FAM118A: variants seen among roughly 807,000 people sequenced by gnomAD.
FAM118A encodes protein FAM118A.
Under a neutral mutation model 38.2 loss-of-function variants are expected in FAM118A, and 25 were observed. The observed-to-expected ratio is 0.65, with a 90% CI of 0.48 to 0.91. The LOEUF (loss-of-function observed/expected upper bound fraction) is 0.91. Ranked by LOEUF, FAM118A falls within the 40% of genes least tolerant of loss-of-function variation. The pLI is 0.00. For synonymous variants in FAM118A, 178 were observed against 184.1 expected (o/e 0.97, Z 0.27); for missense variants, 425 against 463.3 (o/e 0.92, Z 0.76).
At chr22:45,339,697 G>A (rs983123000) in intron 8 of FAM118A, among the ~76,000 whole-genome samples, 2 of 152,110 alleles carry the variant, frequency 1.3e-5, no homozygotes, top group Admixed American at 6.6e-5. Flanking sequence ...TGACAAGAAC[G>A]AAGGCCCGGG....
intron 1 of FAM118A, among the ~76,000 whole-genome samples, chr22:45,319,611 T>G (rs966222064): frequency 1.9e-4 from 29 of 152,240 alleles, no homozygotes; most frequent in African/African-American, 7.0e-4. Context: ...TTAATAAAAC[T>G]GAGGATTGGT....
intron 4 of FAM118A, among the ~76,000 whole-genome samples, chr22:45,330,194 G>A (rs2085604487): frequency 6.6e-6 from 1 of 152,178 alleles, no homozygotes; most frequent in African/African-American, 2.4e-5. Flanking sequence ...GTAACTGTCT[G>A]TCTTTAAATA....
intron 1 of FAM118A, among the ~76,000 whole-genome samples, chr22:45,310,676 T>A (rs2084324828): frequency 6.6e-6 from 1 of 152,000 alleles, no homozygotes; most frequent in African/African-American, 2.4e-5. Flanking sequence ...CCAGGTCTGG[T>A]GATAACTTAA....
intron 1 of FAM118A, 195 bp from the exon 2 acceptor site, chr22:45,322,176 T>C: frequency 6.6e-7 from 1 of 1,509,176 alleles, no homozygotes; most frequent in Non-Finnish European, 8.9e-7. Context: ...CTGATGAGTC[T>C]CATGAGATGA....
intron 7 of FAM118A, among the ~76,000 whole-genome samples, chr22:45,335,719 A>G (rs2086037116): frequency 6.6e-6 from 1 of 152,198 alleles, no homozygotes; most frequent in Admixed American, 6.5e-5. Context: ...GTGCCTTAGA[A>G]TGACCCAGCT....
At position 45,317,182 on chromosome 22, in the gene FAM118A, G is replaced by T. The variant is rs141281325; in HGVS notation, c.-9-5189G>T. On this transcript the variant is annotated intron_variant, in intron 1 of 8. Coordinates refer to ENST00000441876, the MANE Select transcript of FAM118A (RefSeq NM_017911.4). ...GCTTGAGGTCAGGAGTTCGAGACCA[G>T]CCTCTGACCAACATGGTGAAACCTG... is the stretch of plus-strand genomic sequence containing the variant. Among the ~76,000 whole-genome samples, 14 of 152,300 alleles carry T rather than the reference G, an allele frequency of 9.2e-5. No individual in the cohort carries two copies. The East Asian group carries it at 2.7e-3, about 29-fold the overall frequency.
chr22:45,330,375 CCT>C (rs965563622), intron 4 of FAM118A: 18 of 295,834 alleles, frequency 6.1e-5, no homozygotes, highest in Admixed American at 4.7e-4. Context: ...AACAGCCGAT[CCT>C]CTCTCAGGTT....
intron 5 of FAM118A, among the ~76,000 whole-genome samples, 181 bp downstream of exon 5, chr22:45,330,912 C>T (rs117429463): frequency 0.016 from 2,477 of 152,232 alleles, 34 homozygotes; most frequent in Middle Eastern, 0.027. Context: ...TCTGGGGTCC[C>T]GCATGGTGCC....
chr22:45,340,239 G>C (rs895187301), intron 8 of FAM118A, 147 bp from the exon 9 acceptor site: 16 of 798,294 alleles, frequency 2.0e-5, no homozygotes, highest in Non-Finnish European at 3.1e-5. Context: ...TCCAGACAGT[G>C]GCTACTGTTT....
rs1261845665 is a variant in FAM118A at position 45,330,604 on chromosome 22, T to C, written c.524T>C (p.Val175Ala). Reference sequence around the variant, plus strand: ...TTTTCTTGGCTTGATGTTTGGTAGGTCCTTGAATGGGCAAGAGGGCACATG... The same window carrying C: ...TTTTCTTGGCTTGATGTTTGGTAGGCCCTTGAATGGGCAAGAGGGCACATG... Reference protein sequence around the residue: ...ESLDLKDKTKVLEWARGHMKY... With the variant: ...ESLDLKDKTKALEWARGHMKY... Residue 175 changes from valine to alanine, a missense_variant and splice_region_variant, in exon 5 of 9, where the codon GTC (valine) becomes GCC (alanine). By Grantham distance (64) the Val-to-Ala change is moderately conservative. Transcript: ENST00000441876. The C allele has an allele frequency of 7.7e-6, 12 of 1,553,768 alleles. No homozygotes were observed. The highest frequency in any genetic ancestry group is 1.0e-5 in the Non-Finnish European group (12 of 1,154,918).
Position 45,330,701 on chromosome 22 carries a change from T to C in FAM118A, c.621T>C (p.Tyr207=), listed in dbSNP as rs538593719. ...PCGVVLDPSG[Y]KDVTQDAEVM... ...GGGTGGTGCTGGACCCATCGGGGTA[T>C]AAAGACGTCACTCAAGACGCAGAAG... Residue 207 remains tyrosine, a synonymous_variant, in exon 5 of 9, where the codon TAT becomes TAC. Transcript: ENST00000441876. 6.3e-6 allele frequency: 10 copies of C among 1,586,592 alleles called. No individual in the cohort carries two copies. The South Asian group carries it at 1.1e-4, about 18-fold the overall frequency.
chr22:45,338,251 A>G (rs1191461253), intron 8 of FAM118A, among the ~76,000 whole-genome samples: 1 of 150,824 alleles, frequency 6.6e-6, no homozygotes, highest in Non-Finnish European at 1.5e-5. Flanking sequence ...ATTTTTTGAG[A>G]CAGAGTCTTG....
intron 3 of FAM118A, 152 bp from the exon 4 acceptor site, chr22:45,327,690 C>A: frequency 1.4e-6 from 1 of 735,316 alleles, no homozygotes; most frequent in Non-Finnish European, 2.3e-6. Flanking sequence ...CATCCCCTGT[C>A]CCCCTGCTCT....
Position 45,315,029 on chromosome 22 carries a change from C to T in FAM118A, c.-10+4846C>T, listed in dbSNP as rs189981780. 4.6e-5 allele frequency among the ~76,000 whole-genome samples: 7 copies of T among 152,294 alleles called. No individual in the cohort carries two copies. In the East Asian group the frequency reaches 9.6e-4, roughly 21 times the overall value. On this transcript the variant is annotated intron_variant, in intron 1 of 8. Coordinates refer to ENST00000441876, the MANE Select transcript of FAM118A (RefSeq NM_017911.4). ...GTTATTGAGGTTAACTGAGATAGTG[C>T]GTGTAAAACGCTTAGCATTTTCCCT...
chr22:45,337,803 G>T, intron 8 of FAM118A: 2 of 985,066 alleles, frequency 2.0e-6, no homozygotes, highest in Non-Finnish European at 2.4e-6. Context: ...CCCCAGTGTG[G>T]GGTCGCCTCC....
At chr22:45,318,450 G>A (rs974830242) in intron 1 of FAM118A, 1 of 152,196 alleles carries the variant, frequency 6.6e-6, no homozygotes, top group Non-Finnish European at 1.5e-5. Flanking sequence ...GATTGGCTTA[G>A]ACGGTGTTTG....
At chr22:45,322,272 A>G in intron 1 of FAM118A, 99 bp from the exon 2 acceptor site, 3 of 1,580,242 alleles carry the variant, frequency 1.9e-6, no homozygotes. Flanking sequence ...AAGATTGAGG[A>G]CCTTTGATTT....
intron 6 of FAM118A, chr22:45,335,136 C>G: frequency 3.5e-6 from 2 of 570,576 alleles, no homozygotes; most frequent in Non-Finnish European, 6.2e-6. Context: ...ACCATGCTGC[C>G]TTTGCCAGCT....
chr22:45,338,913 C>G (rs1409184680), intron 8 of FAM118A, among the ~76,000 whole-genome samples: 1 of 152,164 alleles, frequency 6.6e-6, no homozygotes, highest in Admixed American at 6.5e-5. Flanking sequence ...CAAATTTAGT[C>G]AAGTAAAATA....
Sources: gnomAD v4.1 joint callset for allele counts (sites outside exome capture counted in the v4.1 genomes callset) on GRCh38, gnomAD v4.1.1 for gene constraint, MANE v1.5 for transcripts, NCBI Gene and HGNC (gene_info 2026-07-23, HGNC 2026-07-21) for gene names.